Variants in POC1B observed in about 807,000 individuals in gnomAD.
POC1B encodes the protein POC1 centriolar protein B, also known as POC1 centriolar protein homolog B.
A neutral mutation model predicts 60.6 loss-of-function variants in POC1B; 44 were observed. The ratio of observed to expected loss-of-function variants is 0.73; its 90% CI spans 0.57 to 0.93. The LOEUF is 0.93. Among genes scored for constraint, POC1B ranks in the 40% least tolerant of loss-of-function variants. The pLI is 0.00. For missense variants in POC1B, 555 were observed against 572.3 expected (o/e 0.97, Z 0.31); for synonymous variants, 180 against 198.9 (o/e 0.90, Z 0.80).
At chr12:89,484,388 C>T (rs116885261) in intron 4 of POC1B, among the ~76,000 whole-genome samples, 16 of 152,312 alleles carry the variant, frequency 1.1e-4, no homozygotes, top group Admixed American at 5.9e-4. Flanking sequence ...AAGTTTACTA[C>T]ACAACATACA....
Position 89,497,361 on chromosome 12 carries a change from A to G in POC1B, c.101-19T>C. On this transcript the variant is annotated intron_variant, in intron 2 of 11. Transcript: ENST00000313546. ...GCAGTAGCTATCAAGAAATAGAAGAACAAAACCACTGTTTGTTAAAATGCA... is the reference window on the plus strand; with the variant it reads ...GCAGTAGCTATCAAGAAATAGAAGAGCAAAACCACTGTTTGTTAAAATGCA... 1 of 1,602,370 alleles carries G rather than the reference A, an allele frequency of 6.2e-7. No individual in the cohort carries two copies. The highest frequency in any genetic ancestry group is 1.3e-5 in the African/African-American group (1 of 74,610).
chr12:89,438,640 C>T (rs1881381135), intron 10 of POC1B, among the ~76,000 whole-genome samples: 1 of 152,226 alleles, frequency 6.6e-6, no homozygotes, highest in East Asian at 1.9e-4. Flanking sequence ...TTGTTACCTA[C>T]TAGTCCTTCT....
At chr12:89,404,844 C>T in the POC1B span, among the ~76,000 whole-genome samples, 1 of 152,196 alleles carries the variant, frequency 6.6e-6, no homozygotes, top group African/African-American at 2.4e-5. Flanking sequence ...TAAGTGTTCT[C>T]TTCTCCAGGT....
At chr12:89,507,076 G>C (rs1447736699) in intron 2 of POC1B, among the ~76,000 whole-genome samples, 4 of 151,510 alleles carry the variant, frequency 2.6e-5, no homozygotes, top group African/African-American at 9.7e-5. Flanking sequence ...TCTGAGACCA[G>C]CTGGGCAACG....
At chr12:89,523,878 A>G (rs1294023765) in intron 2 of POC1B, 1 of 1,573,060 alleles carries the variant, frequency 6.4e-7, no homozygotes, top group Non-Finnish European at 8.6e-7. Context: ...AATCCAGGAA[A>G]GTGAGGACGT....
intron 2 of POC1B, among the ~76,000 whole-genome samples, chr12:89,511,476 T>C (rs910119376): frequency 7.2e-5 from 11 of 152,182 alleles, no homozygotes; most frequent in African/African-American, 2.7e-4. Context: ...TCCTTGGATT[T>C]TTCACTTATT....
chr12:89,525,797 G>A, intron 1 of POC1B, 84 bp downstream of exon 1: 3 of 1,380,848 alleles, frequency 2.2e-6, no homozygotes. Context: ...CTCCCTCCAG[G>A]TGCGGCTTCG....
chr12:89,459,614 A>AT, intron 10 of POC1B, 24 bp downstream of exon 10: 1 of 1,289,926 alleles, frequency 7.8e-7, no homozygotes, highest in Middle Eastern at 2.0e-4. Context: ...AAGTGTCAAA[A>AT]AAAAAAAAAA....
At chr12:89,470,162 A>C (rs1592608373) in intron 7 of POC1B, among the ~76,000 whole-genome samples, 199 bp downstream of exon 7, 1 of 152,144 alleles carries the variant, frequency 6.6e-6, no homozygotes, top group South Asian at 2.1e-4. Flanking sequence ...GTGAGCCACC[A>C]CGCCCAGCCA....
intron 4 of POC1B, among the ~76,000 whole-genome samples, chr12:89,481,773 A>G (rs775154326): frequency 2.0e-5 from 3 of 152,202 alleles, no homozygotes; most frequent in Non-Finnish European, 4.4e-5. Context: ...AAGATTACAG[A>G]GGTTACACAG....
chr12:89,443,117 CT>C (rs1308853750), intron 10 of POC1B, among the ~76,000 whole-genome samples: 1 of 152,192 alleles, frequency 6.6e-6, no homozygotes, highest in East Asian at 1.9e-4. Flanking sequence ...TCCTTAGAGA[CT>C]TACAAAGAGA....
chr12:89,524,196 A>G (rs776078110), intron 2 of POC1B: 3 of 1,614,030 alleles, frequency 1.9e-6, no homozygotes, highest in East Asian at 4.5e-5. Flanking sequence ...ACATTCTTTT[A>G]TCCTCTATGT....
rs376713400 is a variant in POC1B at position 89,480,745 on chromosome 12, C to A, written c.453-8470G>T. ...CCTCCTGAGTAGCTGGGACTACAGG[C>A]GCCCGCCACCTCACCCGGCTAATTT... On this transcript the variant is annotated intron_variant, in intron 4 of 11. Transcript: ENST00000313546. Among the ~76,000 whole-genome samples the A allele has an allele frequency of 2.6e-5, 4 of 151,958 alleles. No homozygotes were observed. In the South Asian group the frequency reaches 6.2e-4, roughly 24 times the overall value.
At chr12:89,412,771 C>T in the POC1B span, among the ~76,000 whole-genome samples, 3 of 152,002 alleles carry the variant, frequency 2.0e-5, no homozygotes, top group Non-Finnish European at 2.9e-5. Context: ...GTCTTGGTTT[C>T]GAGTTCATGA....
chr12:89,525,619 C>A (rs1157918708), intron 1 of POC1B: 2 of 1,285,924 alleles, frequency 1.6e-6, no homozygotes, highest in East Asian at 3.0e-5. Context: ...TCCGAGAATT[C>A]TGGGGGCCGT....
chr12:89,513,250 G>GAAAAAAAAAAAAAAAA (rs58165369), intron 2 of POC1B, among the ~76,000 whole-genome samples: 1 of 129,160 alleles, frequency 7.7e-6, no homozygotes, highest in African/African-American at 2.9e-5. Context: ...TCAAGAATTT[G>GAAAAAAAAAAAAAAAA]AAAAAAAAAA....
At chr12:89,504,698 C>T (rs1338992907) in intron 2 of POC1B, among the ~76,000 whole-genome samples, 1 of 152,012 alleles carries the variant, frequency 6.6e-6, no homozygotes, top group Non-Finnish European at 1.5e-5. Flanking sequence ...GTTTTGTTCA[C>T]TGAGAGATAC....
the POC1B span, among the ~76,000 whole-genome samples, chr12:89,413,672 C>A: frequency 0.11 from 16,365 of 152,022 alleles, 1,236 homozygotes; most frequent in Non-Finnish European, 0.15. Flanking sequence ...TTTGACTAAC[C>A]CTTACATTGT....
At chr12:89,452,376 G>A (rs1276005508) in intron 10 of POC1B, among the ~76,000 whole-genome samples, 1 of 151,998 alleles carries the variant, frequency 6.6e-6, no homozygotes. Flanking sequence ...CTCCCAAATA[G>A]CATGATTTAT....
Sources: allele counts gnomAD v4.1 joint callset (sites outside exome capture counted in the v4.1 genomes callset), GRCh38; gene constraint gnomAD v4.1.1; transcripts MANE v1.5; gene names NCBI Gene and HGNC (gene_info 2026-07-23, HGNC 2026-07-21).